Variants in PLEC observed in about 807,000 individuals in gnomAD.
PLEC encodes the protein hemidesmosomal protein 1.
A neutral mutation model predicts 392.8 loss-of-function variants in PLEC; 216 were observed. That is an observed-to-expected ratio of 0.55 (90% CI 0.49 to 0.62). The LOEUF (loss-of-function observed/expected upper bound fraction) is 0.62, where lower values mean the gene tolerates loss of function less well. Ranked by LOEUF, PLEC falls within the 20% of genes least tolerant of loss-of-function variation. PLEC has a pLI of 0.00. For missense variants in PLEC, 6,863 were observed against 6,563.4 expected (o/e 1.05, Z -1.58); for synonymous variants, 3,621 against 2,980.6 (o/e 1.21, Z -7.00).
chr8:143,926,019 C>A, intron 30 of PLEC, 135 bp from the exon 31 acceptor site: 1 of 1,034,172 alleles, frequency 9.7e-7, no homozygotes, highest in Non-Finnish European at 1.4e-6. Flanking sequence ...CCCAGCCCGG[C>A]GGAGGAGACA....
At position 143,925,318 on chromosome 8, in the gene PLEC, G is replaced by C; in HGVS notation, c.4611C>G (p.Ala1537=). Residue 1537 remains alanine (A), a synonymous_variant, in exon 31 of 32, where the codon GCC becomes GCG. Coordinates refer to ENST00000345136, the MANE Select transcript of PLEC (RefSeq NM_201384.3). ...CCGCCTGCAGCCGCAGCTCCTCCAGGGCCTGCAGGGCCCGCTGCTTCTCGC... is the reference window on the plus strand; with the variant it reads ...CCGCCTGCAGCCGCAGCTCCTCCAGCGCCTGCAGGGCCCGCTGCTTCTCGC... ...AAREKQRALQ[A]LEELRLQAEE... is the part of the protein sequence containing the mutation. 1 of 1,563,440 alleles carries C rather than the reference G, an allele frequency of 6.4e-7. No homozygotes were observed.
chr8:143,934,237 G>A (rs1828300401), intron 11 of PLEC, 81 bp downstream of exon 11: 1 of 1,600,252 alleles, frequency 6.2e-7, no homozygotes, highest in South Asian at 1.1e-5. Context: ...CCCGCCGGGG[G>A]CGGGGCGGGG....
rs1554682851 is a variant in PLEC, at chr8:143,920,746, G to A, written c.9075C>T (p.Val3025=). 1 of 1,605,192 alleles carries A rather than the reference G, an allele frequency of 6.2e-7. No homozygotes were observed. The highest frequency in any genetic ancestry group is 2.2e-5 in the East Asian group (1 of 44,876). Residue 3025 remains valine (V), a synonymous_variant, in exon 32 of 32, where the codon GTC becomes GTT. Transcript: ENST00000345136. ...CCTCCTCCAGCCATACACCCGCGATGACGTTGGCACCCCGGAGAGCCCGCC... is the reference window on the plus strand; with the variant it reads ...CCTCCTCCAGCCATACACCCGCGATAACGTTGGCACCCCGGAGAGCCCGCC... The part of the protein sequence containing the change: ...TVRRALRGAN[V]IAGVWLEEAG...
intron 11 of PLEC, 98 bp from the exon 12 acceptor site, chr8:143,934,189 T>C: frequency 6.3e-7 from 1 of 1,585,104 alleles, no homozygotes; most frequent in South Asian, 1.1e-5. Context: ...TCCCTGGCTG[T>C]GGCCCACTGT....
Position 143,916,542 on chromosome 8 carries a change from C to A in PLEC, c.13279G>T (p.Asp4427Tyr). Residue 4427 changes from aspartate to tyrosine, a missense_variant, in exon 32 of 32, where the codon GAC (aspartate) becomes TAC (tyrosine). Physicochemically the swap from Asp to Tyr is radical, Grantham distance 160 (BLOSUM62 -3). Coordinates refer to ENST00000345136, the MANE Select transcript of PLEC (RefSeq NM_201384.3). ...VDARTAQKLR[D>Y]VGAYSKYLTC... ...AGGTACTTGGAGTAGGCGCCCACGT[C>A]ACGCAGCTTCTGTGCGGTGCGGGCG... The A allele has an allele frequency of 2.5e-6, 4 of 1,611,836 alleles. No homozygotes were observed. Among genetic ancestry groups the A allele is most frequent in the Non-Finnish European group, 3.4e-6 (4 of 1,179,514 alleles).
At chr8:143,953,869 G>A, upstream of PLEC, 3 of 1,557,150 alleles carry the variant, frequency 1.9e-6, no homozygotes, top group Middle Eastern at 1.7e-4. Context: ...GGAGGAGCCC[G>A]GAGGTCCGGG....
chr8:143,958,513 G>A, upstream of PLEC: 1 of 350,096 alleles, frequency 2.9e-6, no homozygotes, highest in Non-Finnish European at 6.0e-6. This position sits in a 1 kb window ranked among gnomAD's most constrained non-coding sequence, Gnocchi z 4.9. Context: ...CCTGTCCTGT[G>A]CCCACTGTCT....
At chr8:143,955,109 G>A (rs369151267), upstream of PLEC, among the ~76,000 whole-genome samples, 32 of 152,310 alleles carry the variant, frequency 2.1e-4, no homozygotes, top group African/African-American at 7.2e-4. Flanking sequence ...CTGGGACTCA[G>A]CCAGTTGGGG....
chr8:143,944,673 T>A (rs782083189), intron 1 of PLEC: 2 of 1,335,076 alleles, frequency 1.5e-6, no homozygotes, highest in Non-Finnish European at 1.9e-6. Flanking sequence ...TCGGGGACGG[T>A]GGCAGGAGCC....
chr8:143,925,368 C>A lies in PLEC; in HGVS notation c.4561G>T (p.Val1521Leu), dbSNP rs782046910. The A allele has an allele frequency of 6.4e-7, 1 of 1,560,102 alleles. No homozygotes were observed. Among genetic ancestry groups the A allele is most frequent in the African/African-American group, 1.4e-5 (1 of 73,716 alleles). ...RQAEVELASR[V>L]KAEAEAAREK... The stretch of plus-strand genomic sequence containing the variant: ...CGCGCCGCCTCGGCCTCGGCCTTCA[C>A]GCGCGAGGCCAGCTCCACCTCCGCC... The change falls in exon 31 of 32, where the codon GTG (valine) becomes TTG (leucine). Residue 1521 changes from valine (V) to leucine (L), a missense_variant. Transcript: ENST00000345136.
At chr8:143,952,222 G>GCGCA (rs370986007), upstream of PLEC, among the ~76,000 whole-genome samples, 1 of 120,796 alleles carries the variant, frequency 8.3e-6, no homozygotes, top group Non-Finnish European at 1.8e-5. Context: ...GCGCACACAC[G>GCGCA]CACGCGCACG....
chr8:143,967,536 C>A (rs1833173904), intron 1 of PLEC, among the ~76,000 whole-genome samples: 1 of 152,092 alleles, frequency 6.6e-6, no homozygotes, highest in Admixed American at 6.6e-5. Context: ...GAAGTTTACG[C>A]CGAATACAAG....
chr8:143,930,358 C>G (rs1554713628), intron 20 of PLEC, 26 bp downstream of exon 20: 1 of 1,578,364 alleles, frequency 6.3e-7, no homozygotes, highest in Non-Finnish European at 8.6e-7. Context: ...GCCACGCCCC[C>G]CAGTGGACCC....
intron 25 of PLEC, 107 bp from the exon 26 acceptor site, chr8:143,928,099 C>T (rs1274267731): frequency 2.1e-6 from 3 of 1,401,542 alleles, no homozygotes; most frequent in East Asian, 2.3e-5. Flanking sequence ...CAAGCCCAGA[C>T]CCAACCCTGG....
rs2131381409 is a variant in PLEC, at chr8:143,924,226, T to C, written c.5703A>G (p.Ala1901=). 1.9e-6 allele frequency: 3 copies of C among 1,598,400 alleles called. No individual in the cohort carries two copies. Among genetic ancestry groups the C allele is most frequent in the Non-Finnish European group, 2.5e-6 (3 of 1,179,370 alleles). ...TCTGCCGCTCCAGCTCGCTGTCCGA[T>C]GCCTTGCGCAGCTGGGCCAGGCGCT... The part of the protein sequence containing the change: ...IEERLAQLRK[A]SDSELERQKG... The change falls in exon 31 of 32, where the codon GCA becomes GCG. Residue 1901 remains alanine (A), a synonymous_variant. Coordinates refer to ENST00000345136, the MANE Select transcript of PLEC (RefSeq NM_201384.3).
chr8:143,931,639 C>T lies in PLEC; in HGVS notation c.2199G>A (p.Glu733=), dbSNP rs1827291566. 1 of 1,600,838 alleles carries T rather than the reference C, an allele frequency of 6.2e-7. No individual in the cohort carries two copies. Among genetic ancestry groups the T allele is most frequent in the Non-Finnish European group, 8.5e-7 (1 of 1,174,392 alleles). The change falls in exon 19 of 32, where the codon GAG becomes GAA. Residue 733 remains glutamate, a synonymous_variant. Coordinates refer to ENST00000345136, the MANE Select transcript of PLEC (RefSeq NM_201384.3). ...AYFQFFSDVR[E]AEGQLQKLQE... Reference sequence around the variant, plus strand: ...GCAGCTTCTGCAACTGCCCCTCGGCCTCCCGCACATCTGAGAAGAACTGGG... The same window carrying T: ...GCAGCTTCTGCAACTGCCCCTCGGCTTCCCGCACATCTGAGAAGAACTGGG...
upstream of PLEC, chr8:143,953,600 C>T: frequency 6.6e-6 from 7 of 1,060,406 alleles, no homozygotes. Context: ...GCGGCTCTGG[C>T]TCAGCGACCC....
rs1232285950 is a variant in PLEC, at chr8:143,923,806, C to T, written c.6123G>A (p.Glu2041=). The T allele has an allele frequency of 6.3e-7, 1 of 1,581,050 alleles. No individual in the cohort carries two copies. The highest frequency in any genetic ancestry group is 8.5e-7 in the Non-Finnish European group (1 of 1,171,668). Residue 2041 remains glutamate (E), a synonymous_variant, in exon 31 of 32, where the codon GAG becomes GAA. Transcript: ENST00000345136. The stretch of plus-strand genomic sequence containing the variant: ...CCGCCTGCAGCCGCTTCTGGGCGGC[C>T]TCCTGGGCCAGCTGCAGCTGCCGCG... ...ESARQLQLAQ[E]AAQKRLQAEE...
Position 143,925,792 on chromosome 8 carries a change from G to T in PLEC, c.4137C>A (p.His1379Gln), listed in dbSNP as rs782222813. 1 of 1,576,848 alleles carries T rather than the reference G, an allele frequency of 6.3e-7. No individual in the cohort carries two copies. Among genetic ancestry groups the T allele is most frequent in the South Asian group, 1.1e-5 (1 of 88,390 alleles). The part of the protein sequence containing the change: ...LEKQRQLAEA[H>Q]AQAKAQAERE... ...GCTCCGCCTGTGCCTTTGCCTGGGC[G>T]TGCGCCTCGGCCAGCTGCCGCTGCT... Residue 1379 changes from histidine (H) to glutamine (Q), a missense_variant, in exon 31 of 32, where the codon CAC (histidine) becomes CAA (glutamine). Transcript: ENST00000345136.
Sources: allele counts gnomAD v4.1 joint callset (sites outside exome capture counted in the v4.1 genomes callset), GRCh38; gene constraint gnomAD v4.1.1; non-coding constraint Gnocchi (gnomAD v3.1); transcripts MANE v1.5; gene names NCBI Gene and HGNC (gene_info 2026-07-23, HGNC 2026-07-21).